CYB5A: variants seen among roughly 807,000 people sequenced by gnomAD.
The protein encoded by CYB5A is cytochrome b5 type A.
In CYB5A, 10 loss-of-function variants were observed where a neutral mutation model predicts 16.2. The ratio of observed to expected loss-of-function variants is 0.62; its 90% confidence interval spans 0.38 to 1.04. The LOEUF (loss-of-function observed/expected upper bound fraction) is 1.04. Ranked by LOEUF, CYB5A falls within the 50% of genes least tolerant of loss-of-function variation. The pLI, the probability that CYB5A is intolerant of heterozygous loss-of-function variation, is 0.01. For synonymous variants in CYB5A, 62 were observed against 57.0 expected (o/e 1.09, Z -0.40); for missense variants, 161 against 165.9 (o/e 0.97, Z 0.16).
In CYB5A at chr18:74,291,905, A is replaced by G. The variant is rs1401337311; in HGVS notation, c.-30T>C. 6.2e-7 allele frequency: 1 copy of G among 1,608,260 alleles called. No individual in the cohort carries two copies. Among genetic ancestry groups the G allele is most frequent in the Non-Finnish European group, 8.5e-7 (1 of 1,179,758 alleles). On this transcript the variant is annotated 5_prime_UTR_variant, in exon 1 of 5. Transcript: ENST00000340533. ...GTTCGCCGCGAGCCAGGCCCAGCAC[A>G]CACAGCCCCGTCGGGTGGAGCAGAG...
At chr18:74,289,239 T>G (rs1354667631) in intron 1 of CYB5A, among the ~76,000 whole-genome samples, 1 of 152,236 alleles carries the variant, frequency 6.6e-6, no homozygotes, top group East Asian at 1.9e-4. Context: ...GAGCTTGCTC[T>G]CATCTCTCAG....
At chr18:74,257,155 AC>A in intron 3 of CYB5A, 1 of 400,394 alleles carries the variant, frequency 2.5e-6, no homozygotes, top group Non-Finnish European at 4.5e-6. Context: ...GAAGGCAAAC[AC>A]AAACATCCAC....
chr18:74,273,986 G>A (rs1393217116), intron 1 of CYB5A, among the ~76,000 whole-genome samples: 4 of 152,176 alleles, frequency 2.6e-5, no homozygotes, highest in African/African-American at 9.7e-5. Context: ...TCCCTAGAAG[G>A]CCTTCTTCAT....
At chr18:74,271,892 A>G (rs1982683853) in intron 1 of CYB5A, among the ~76,000 whole-genome samples, 1 of 152,212 alleles carries the variant, frequency 6.6e-6, no homozygotes, top group Non-Finnish European at 1.5e-5. Flanking sequence ...TGAGTCTCCT[A>G]TGACTCTGTG....
intron 1 of CYB5A, among the ~76,000 whole-genome samples, chr18:74,271,006 C>A (rs538612138): frequency 6.6e-6 from 1 of 152,300 alleles, no homozygotes; most frequent in Admixed American, 6.5e-5. Flanking sequence ...TTATATATAA[C>A]CAGTTCAGTG....
At chr18:74,278,352 G>A (rs1982962765) in intron 1 of CYB5A, among the ~76,000 whole-genome samples, 1 of 152,176 alleles carries the variant, frequency 6.6e-6, no homozygotes, top group East Asian at 1.9e-4. Context: ...AGGATTAAGT[G>A]AATTAATTAG....
At chr18:74,261,020 G>C in intron 2 of CYB5A, 76 bp from the exon 3 acceptor site, 1 of 1,128,594 alleles carries the variant, frequency 8.9e-7, no homozygotes, top group Non-Finnish European at 1.3e-6. Flanking sequence ...CTGACTTTGA[G>C]ACTTTTTAAA....
At chr18:74,291,636 G>C in intron 1 of CYB5A, 111 bp downstream of exon 1, 1 of 1,506,854 alleles carries the variant, frequency 6.6e-7, no homozygotes, top group Non-Finnish European at 9.1e-7. Flanking sequence ...CTCGGGGGGC[G>C]CGCCTAGGCG....
chr18:74,274,217 G>C (rs72980470), intron 1 of CYB5A, among the ~76,000 whole-genome samples: 2,777 of 152,320 alleles, frequency 0.018, 42 homozygotes, highest in Non-Finnish European at 0.03. Context: ...ACATGATCTT[G>C]GGATGGGTTT....
intron 1 of CYB5A, among the ~76,000 whole-genome samples, chr18:74,276,311 A>C (rs886549633): frequency 1.3e-5 from 2 of 152,198 alleles, no homozygotes; most frequent in Non-Finnish European, 2.9e-5. Context: ...TTGAGAGTTC[A>C]GTTCCCCCCA....
chr18:74,262,357 A>G (rs2051416), intron 2 of CYB5A, among the ~76,000 whole-genome samples: 150,684 of 152,094 alleles, frequency 0.99, 74,661 homozygotes, highest in Middle Eastern at 1. Context: ...TTGGGAGGCT[A>G]AGGCAGGAGA....
chr18:74,283,208 G>A (rs765849803), intron 1 of CYB5A, among the ~76,000 whole-genome samples: 1 of 152,134 alleles, frequency 6.6e-6, no homozygotes, highest in Non-Finnish European at 1.5e-5. Context: ...AGAGATGAGC[G>A]GGACCCACTG....
intron 1 of CYB5A, among the ~76,000 whole-genome samples, chr18:74,288,284 A>G (rs747374869): frequency 6.6e-6 from 1 of 152,180 alleles, no homozygotes; most frequent in African/African-American, 2.4e-5. Context: ...CACCTTCTCA[A>G]CATGAACACG....
intron 1 of CYB5A, among the ~76,000 whole-genome samples, chr18:74,275,001 G>A (rs1982812094): frequency 6.6e-6 from 1 of 152,124 alleles, no homozygotes; most frequent in South Asian, 2.1e-4. Flanking sequence ...TATTGCTGCT[G>A]GGATCTCATC....
chr18:74,267,600 G>A (rs1216840523), intron 1 of CYB5A, among the ~76,000 whole-genome samples: 1 of 152,208 alleles, frequency 6.6e-6, no homozygotes, highest in African/African-American at 2.4e-5. Context: ...GCAGGTTATA[G>A]CACTTGGGGG....
chr18:74,276,735 C>G (rs369627213), intron 1 of CYB5A, among the ~76,000 whole-genome samples: 1 of 152,180 alleles, frequency 6.6e-6, no homozygotes, highest in Non-Finnish European at 1.5e-5. Flanking sequence ...CGCAGGCCGC[C>G]TGACTCCACA....
At chr18:74,256,711 A>G (rs1981996409) in intron 3 of CYB5A, 2 of 927,164 alleles carry the variant, frequency 2.2e-6, no homozygotes, top group Non-Finnish European at 3.4e-6. Context: ...CATTAGCAAA[A>G]CAATCAGCGG....
intron 1 of CYB5A, among the ~76,000 whole-genome samples, chr18:74,279,097 G>C (rs17089051): frequency 3.9e-5 from 6 of 152,114 alleles, no homozygotes; most frequent in Admixed American, 2.6e-4. Context: ...CTTACCTCCT[G>C]CTTTGTAACC....
intron 3 of CYB5A, chr18:74,257,999 T>C (rs527423810): frequency 4.5e-4 from 69 of 152,316 alleles, no homozygotes; most frequent in African/African-American, 1.7e-3. Context: ...GCTCCATAAA[T>C]TATGAAAAGC....
Sources: gnomAD v4.1 joint callset for allele counts (sites outside exome capture counted in the v4.1 genomes callset) on GRCh38, gnomAD v4.1.1 for gene constraint, MANE v1.5 for transcripts, NCBI Gene and HGNC (gene_info 2026-07-23, HGNC 2026-07-21) for gene names.